DNAH5: variants seen among roughly 807,000 people sequenced by gnomAD.
DNAH5 encodes dynein axonemal heavy chain 5.
DNAH5 carries 372 observed loss-of-function variants against 518.2 expected under a neutral mutation model. That is an observed-to-expected ratio of 0.72 (90% CI 0.66 to 0.78). The LOEUF (loss-of-function observed/expected upper bound fraction) is 0.78. Ranked by LOEUF, DNAH5 falls within the 30% of genes least tolerant of loss-of-function variation. The pLI is 0.00. For synonymous variants in DNAH5, 2,039 were observed against 2,025.9 expected (o/e 1.01, Z -0.17); for missense variants, 5,523 against 5,687.0 (o/e 0.97, Z 0.93).
Position 13,865,934 on chromosome 5 carries a change from C to A in DNAH5, c.4117-28G>T. ...AATAAAAACACAAGTGAAAACGCAT[C>A]AAAATGATTTATACATGATCAACAT... On this transcript the variant is annotated intron_variant, in intron 26 of 78. Transcript: ENST00000265104. 2.1e-6 allele frequency: 3 copies of A among 1,410,570 alleles called. No homozygotes were observed. In the South Asian group the frequency reaches 3.5e-5, roughly 16 times the overall value. 87.4% of individuals were successfully genotyped at this position (1,410,570 alleles called of 1,614,324 possible).
In DNAH5 at chr5:13,830,178, C is replaced by T. The variant is rs1219141641; in HGVS notation, c.6097G>A (p.Glu2033Lys). Reference sequence around the variant, plus strand: ...ACTGGTAGATCAATACGGTTAAATTCATCAAAACAACCCCAGGATCCAGAC... The same window carrying T: ...ACTGGTAGATCAATACGGTTAAATTTATCAAAACAACCCCAGGATCCAGAC... ...AQSGSWGCFD[E>K]FNRIDLPVLS... The change falls in exon 37 of 79, where the codon GAA becomes AAA. Residue 2033 changes from glutamate (E) to lysine (K), a missense_variant. By Grantham distance (56) the Glu-to-Lys change is moderately conservative. This residue lies in a region of DNAH5 where 5,121 missense variants were observed against 5,223.3 expected (regional missense o/e 0.98). Coordinates refer to ENST00000265104, the MANE Select transcript of DNAH5 (RefSeq NM_001369.3). 1 of 1,613,908 alleles carries T rather than the reference C, an allele frequency of 6.2e-7. No homozygotes were observed. Among genetic ancestry groups the T allele is most frequent in the East Asian group, 2.2e-5 (1 of 44,860 alleles).
chr5:14,005,102 C>G (rs1784630266), intron 1 of DNAH5, among the ~76,000 whole-genome samples: 3 of 152,102 alleles, frequency 2.0e-5, no homozygotes, highest in Admixed American at 2.0e-4. Flanking sequence ...ATCACTCTCC[C>G]CTGCCCCAGC....
chr5:13,794,111 G>T (rs1335654336), intron 47 of DNAH5, 53 bp from the exon 48 acceptor site: 4 of 1,611,324 alleles, frequency 2.5e-6, no homozygotes, highest in Non-Finnish European at 3.4e-6. Flanking sequence ...CTAAAACCTG[G>T]TCAATTATTT....
chr5:13,823,515 A>T, intron 39 of DNAH5, 145 bp from the exon 40 acceptor site: 1 of 651,178 alleles, frequency 1.5e-6, no homozygotes, highest in South Asian at 1.7e-5. Flanking sequence ...AAGTTAAGAA[A>T]CATTTTCCTC....
chr5:13,793,210 A>T (rs1757271349), intron 49 of DNAH5, among the ~76,000 whole-genome samples: 1 of 152,232 alleles, frequency 6.6e-6, no homozygotes, highest in African/African-American at 2.4e-5. Flanking sequence ...ATGAGGAAAC[A>T]ACCTCATGTA....
In DNAH5 at chr5:13,959,610, C is replaced by A. The variant is rs79087276; in HGVS notation, c.13-28366G>T. Among the ~76,000 whole-genome samples the A allele has an allele frequency of 8.3e-3, 1,270 of 152,290 alleles. 18 individuals are homozygous for A. The highest frequency in any genetic ancestry group is 0.029 in the African/African-American group (1,187 of 41,564). On this transcript the variant is annotated intron_variant, in intron 1 of 78. Coordinates refer to the DNAH5 transcript ENST00000681290. ...GGTGGGACCTGGAGGTGGTTTTACC[C>A]CCGTGGGTCTCCCTCTTCATTCCTT...
At position 13,933,207 on chromosome 5, in the gene DNAH5, G is replaced by A. The variant is rs142037690; in HGVS notation, c.58-1963C>T. On this transcript the variant is annotated intron_variant, in intron 1 of 78. Coordinates refer to ENST00000265104, the MANE Select transcript of DNAH5 (RefSeq NM_001369.3). ...ATATAGACATAGACATAGAGAAGACGGTCAATATAAAAGCTACAATGTCAA... is the reference window on the plus strand; with the variant it reads ...ATATAGACATAGACATAGAGAAGACAGTCAATATAAAAGCTACAATGTCAA... 1.2e-3 allele frequency among the ~76,000 whole-genome samples: 186 copies of A among 152,220 alleles called. 2 individuals carry two copies. Among genetic ancestry groups the A allele is most frequent in the African/African-American group, 4.1e-3 (171 of 41,534 alleles).
intron 76 of DNAH5, among the ~76,000 whole-genome samples, chr5:13,702,445 C>T (rs1175724440): frequency 1.3e-5 from 2 of 152,168 alleles, no homozygotes; most frequent in Non-Finnish European, 2.9e-5. Flanking sequence ...TGTGTTTATA[C>T]TACGTTCGGT....
chr5:13,892,293 A>T (rs948271610), intron 16 of DNAH5, among the ~76,000 whole-genome samples: 1 of 152,218 alleles, frequency 6.6e-6, no homozygotes, highest in Non-Finnish European at 1.5e-5. Flanking sequence ...GCTGAAAAAA[A>T]TAGTCCCCAA....
At chr5:13,695,391 G>A (rs1741232005) in intron 78 of DNAH5, among the ~76,000 whole-genome samples, 1 of 152,170 alleles carries the variant, frequency 6.6e-6, no homozygotes, top group Non-Finnish European at 1.5e-5. Context: ...GTCTACCTTA[G>A]CAGGTACCTG....
chr5:13,791,106 A>T (rs1037308785), intron 50 of DNAH5, among the ~76,000 whole-genome samples: 11 of 138,362 alleles, frequency 8.0e-5, no homozygotes, highest in Non-Finnish European at 1.7e-4. Context: ...TAATTTTTTA[A>T]AAAAAAAAGA....
intron 1 of DNAH5, among the ~76,000 whole-genome samples, chr5:13,974,374 C>A (rs1782091696): frequency 6.6e-6 from 1 of 152,094 alleles, no homozygotes; most frequent in African/African-American, 2.4e-5. Context: ...ATCTGCCTGC[C>A]TTGGCCTCCC....
At position 13,986,880 on chromosome 5, in the gene DNAH5, A is replaced by G. The variant is rs1029554427; in HGVS notation, c.12+24768T>C. On this transcript the variant is annotated intron_variant, in intron 1 of 78. Coordinates refer to the DNAH5 transcript ENST00000681290. ...TAGATTCCTGCAAGCAGAATCTGGG[A>G]TGAACAGTCTGCATGCCTCTCGCCA... 3.3e-5 allele frequency among the ~76,000 whole-genome samples: 5 copies of G among 152,222 alleles called. No homozygotes were observed. In the East Asian group the frequency reaches 9.6e-4, roughly 29 times the overall value.
intron 30 of DNAH5, among the ~76,000 whole-genome samples, chr5:13,854,056 C>G (rs1306117181): frequency 6.6e-6 from 1 of 152,006 alleles, no homozygotes; most frequent in Admixed American, 6.6e-5. Context: ...AGAGCAACCC[C>G]AAAACACATA....
chr5:13,781,080 C>T (rs1208842942), intron 52 of DNAH5, 121 bp from the exon 53 acceptor site: 2 of 1,120,610 alleles, frequency 1.8e-6, no homozygotes, highest in Non-Finnish European at 2.6e-6. Flanking sequence ...GTCTCAAGAT[C>T]AGACTGGAGA....
chr5:13,783,260 T>A (rs1245787969), intron 52 of DNAH5, among the ~76,000 whole-genome samples: 1 of 152,176 alleles, frequency 6.6e-6, no homozygotes, highest in Non-Finnish European at 1.5e-5. Context: ...GTATGAGGTA[T>A]GGAAATATCA....
At chr5:13,844,702 GT>G in intron 32 of DNAH5, 134 bp downstream of exon 32, 1 of 1,124,826 alleles carries the variant, frequency 8.9e-7, no homozygotes, top group Non-Finnish European at 1.4e-6. Flanking sequence ...CCCGAGATTT[GT>G]TTTTAGTCAC....
At chr5:13,835,619 G>A (rs894330056) in intron 35 of DNAH5, among the ~76,000 whole-genome samples, 9 of 152,036 alleles carry the variant, frequency 5.9e-5, no homozygotes, top group Admixed American at 2.0e-4. Flanking sequence ...CAGTTTTTTC[G>A]AGGGCTACAT....
In DNAH5 at chr5:13,910,439, C is replaced by T. The variant is rs529255622; in HGVS notation, c.1644+947G>A. On this transcript the variant is annotated intron_variant, in intron 12 of 78. Transcript: ENST00000265104. ...CTAGCTTTGTTATGACTCATTCTAA[C>T]ACTGAACTCGCTCCTCCCAAGGTGT... Among the ~76,000 whole-genome samples, 3 of 152,358 alleles carry T rather than the reference C, an allele frequency of 2.0e-5. No homozygotes were observed. The East Asian group carries it at 5.8e-4, about 29-fold the overall frequency.
Sources: gnomAD v4.1 joint callset for allele counts (sites outside exome capture counted in the v4.1 genomes callset) on GRCh38, gnomAD v4.1.1 for gene constraint, gnomAD v4.1.1 regional missense constraint, MANE v1.5 for transcripts, NCBI Gene and HGNC (gene_info 2026-07-23, HGNC 2026-07-21) for gene names.